ANKS6: variants seen among roughly 807,000 people sequenced by gnomAD.
ANKS6 encodes the protein ankyrin repeat and SAM domain-containing protein 6.
In ANKS6, 47 loss-of-function variants were observed where a neutral mutation model predicts 77.9. The ratio of observed to expected loss-of-function variants is 0.60; its 90% CI spans 0.48 to 0.77. ANKS6 has a LOEUF of 0.77. ANKS6 is among the 30% of genes least tolerant of loss of function. ANKS6 has a pLI of 0.00. For synonymous variants in ANKS6, 488 were observed against 501.7 expected (o/e 0.97, Z 0.37); for missense variants, 1,150 against 1,159.1 (o/e 0.99, Z 0.11).
intron 12 of ANKS6, among the ~76,000 whole-genome samples, chr9:98,755,840 A>T (rs1832672473): frequency 6.6e-6 from 1 of 152,080 alleles, no homozygotes; most frequent in Non-Finnish European, 1.5e-5. Context: ...TGGCCTTTAC[A>T]CTTGGGATTT....
At chr9:98,753,942 G>A (rs569897453) in intron 12 of ANKS6, among the ~76,000 whole-genome samples, 126 of 152,130 alleles carry the variant, frequency 8.3e-4, no homozygotes, top group African/African-American at 3.0e-3. Flanking sequence ...AACCAGCTTG[G>A]GCATGTCCTA....
rs554884882 is a variant in ANKS6, at chr9:98,733,022, G to T, written c.*3497C>A. The T allele has an allele frequency of 1.4e-4, 121 of 884,350 alleles. 2 individuals carry two copies. The South Asian group carries it at 5.3e-3, about 39-fold the overall frequency. 54.8% of individuals were successfully genotyped at this position (884,350 alleles called of 1,614,324 possible). A position where few individuals can be genotyped will look rare whatever the true frequency, so the allele number is the denominator to read the frequency against. On this transcript the variant is annotated 3_prime_UTR_variant, in exon 15 of 15. Coordinates refer to ENST00000353234, the MANE Select transcript of ANKS6 (RefSeq NM_173551.5). ...AGGCTGAGCCTGAGCCATCATCGAT[G>T]ACTTTCCCTGAGCTGTATACCCAGC...
chr9:98,793,918 G>A (rs151184013), intron 1 of ANKS6, among the ~76,000 whole-genome samples: 142 of 149,722 alleles, frequency 9.5e-4, no homozygotes, highest in Non-Finnish European at 1.6e-3. Flanking sequence ...TTGGGAGGCC[G>A]AGGTGGGCGT....
chr9:98,747,062 C>A (rs1418263154), intron 13 of ANKS6, among the ~76,000 whole-genome samples: 1 of 152,210 alleles, frequency 6.6e-6, no homozygotes, highest in Non-Finnish European at 1.5e-5. Flanking sequence ...AACAATCCCA[C>A]CACATAAATT....
At chr9:98,752,640 C>T (rs922401654) in intron 12 of ANKS6, among the ~76,000 whole-genome samples, 2 of 152,156 alleles carry the variant, frequency 1.3e-5, no homozygotes, top group Admixed American at 6.5e-5. Flanking sequence ...TGAGGTAGAT[C>T]CTATTACTGT....
At chr9:98,755,938 C>T (rs1832675881) in intron 12 of ANKS6, among the ~76,000 whole-genome samples, 2 of 152,178 alleles carry the variant, frequency 1.3e-5, no homozygotes, top group African/African-American at 4.8e-5. Flanking sequence ...CTGCTTGCCA[C>T]CACTTGGAGA....
At chr9:98,789,839 G>T in intron 2 of ANKS6, 1 of 423,164 alleles carries the variant, frequency 2.4e-6, no homozygotes, top group Non-Finnish European at 4.1e-6. Context: ...GCATCAGAAT[G>T]ATGTGCTTGG....
At chr9:98,774,472 C>G (rs1019048097) in intron 8 of ANKS6, among the ~76,000 whole-genome samples, 1 of 152,102 alleles carries the variant, frequency 6.6e-6, no homozygotes, top group African/African-American at 2.4e-5. Flanking sequence ...TTAAGCTGGG[C>G]CAGTGAGGAC....
chr9:98,784,388 A>T (rs1834450946), intron 3 of ANKS6: 1 of 456,812 alleles, frequency 2.2e-6, no homozygotes, highest in African/African-American at 2.0e-5. Flanking sequence ...ACCAAAAGAC[A>T]GAAGTGTTGT....
At chr9:98,784,610 C>CA in intron 3 of ANKS6, 1 of 543,262 alleles carries the variant, frequency 1.8e-6, no homozygotes, top group South Asian at 2.8e-5. Flanking sequence ...CATAGCTAGA[C>CA]AGTGTTTGGC....
At chr9:98,777,878 C>A (rs1834002802) in intron 7 of ANKS6, among the ~76,000 whole-genome samples, 2 of 152,210 alleles carry the variant, frequency 1.3e-5, no homozygotes, top group South Asian at 4.1e-4. Flanking sequence ...CCCAGTAACT[C>A]ATTTTATTTC....
chr9:98,767,966 G>C (rs1385838844), intron 11 of ANKS6, 115 bp downstream of exon 11: 6 of 1,375,270 alleles, frequency 4.4e-6, no homozygotes, highest in African/African-American at 4.4e-5. Context: ...GGCTGGAAGG[G>C]GCCTGTCTTT....
chr9:98,736,849 G>A (rs1205694340), intron 14 of ANKS6, among the ~76,000 whole-genome samples: 1 of 152,156 alleles, frequency 6.6e-6, no homozygotes, highest in Non-Finnish European at 1.5e-5. Context: ...GAGAGGCCCT[G>A]GGATGCAGGA....
At chr9:98,764,873 T>C (rs182530755) in intron 11 of ANKS6, among the ~76,000 whole-genome samples, 83 of 152,340 alleles carry the variant, frequency 5.4e-4, no homozygotes, top group Admixed American at 2.7e-3. Context: ...ATTATCATGA[T>C]TGCTTCATTT....
In ANKS6 at chr9:98,732,729, G is replaced by C; in HGVS notation, c.*3790C>G. On this transcript the variant is annotated 3_prime_UTR_variant, in exon 15 of 15. Coordinates refer to ENST00000353234, the MANE Select transcript of ANKS6 (RefSeq NM_173551.5). ...CCCCTGTAACCAAAAGGGAAACTGG[G>C]ACTCAAAGGGAAGAAGAAACGTGCT... 7.0e-7 allele frequency: 1 copy of C among 1,436,270 alleles called. No homozygotes were observed. The highest frequency in any genetic ancestry group is 1.5e-5 in the South Asian group (1 of 67,184). 89.0% of individuals were successfully genotyped at this position (1,436,270 alleles called of 1,614,324 possible).
Position 98,733,186 on chromosome 9 carries a change from TAAA to T in ANKS6, c.*3330_*3332del, listed in dbSNP as rs1418348141. 17 of 984,234 alleles carry T rather than the reference TAAA, an allele frequency of 1.7e-5. No individual in the cohort carries two copies. Among genetic ancestry groups the T allele is most frequent in the Non-Finnish European group, 2.1e-5 (17 of 828,894 alleles). The allele number at this position is 984,234 out of a possible 1,614,324, so 61.0% of individuals were successfully genotyped here. A position where few individuals can be genotyped will look rare whatever the true frequency, so the allele number is the denominator to read the frequency against. ...GGGCTGGCACAGGGTAGATGCTCAG[TAAA>T]CGTTCGGTAAACAAAAGAATTAAAA... On this transcript the variant is annotated 3_prime_UTR_variant, in exon 15 of 15. Transcript: ENST00000353234.
rs1368547280 is a variant in ANKS6, at chr9:98,774,054, T to C, written c.1644A>G (p.Arg548=). Residue 548 remains arginine (R), a synonymous_variant, in exon 9 of 15, where the codon AGA becomes AGG. Transcript: ENST00000353234. The part of the protein sequence containing the change: ...TMLRNGAPLT[R]LPSDKLKAVI... Reference sequence around the variant, plus strand: ...CTGCTTTCAGCTTGTCACTCGGGAGTCTGGTGAGGGGAGCTCCGTTTCGAA... The same window carrying C: ...CTGCTTTCAGCTTGTCACTCGGGAGCCTGGTGAGGGGAGCTCCGTTTCGAA... The C allele has an allele frequency of 1.2e-5, 18 of 1,535,902 alleles. No individual in the cohort carries two copies. The highest frequency in any genetic ancestry group is 1.6e-5 in the Non-Finnish European group (18 of 1,138,652).
At chr9:98,786,933 GT>G (rs894114986) in intron 2 of ANKS6, among the ~76,000 whole-genome samples, 3 of 152,120 alleles carry the variant, frequency 2.0e-5, no homozygotes, top group African/African-American at 7.2e-5. Flanking sequence ...TTGGGCTTCA[GT>G]TTTTTTCGTC....
chr9:98,732,987 G>A lies in ANKS6; in HGVS notation c.*3532C>T. On this transcript the variant is annotated 3_prime_UTR_variant, in exon 15 of 15. Transcript: ENST00000353234. ...GGCCCCACTCCATCTCTCTCCTCTG[G>A]GGCGTGCCCAGGCTGAGCCTGAGCC... 1.0e-6 allele frequency: 1 copy of A among 1,002,556 alleles called. No homozygotes were observed. Among genetic ancestry groups the A allele is most frequent in the Non-Finnish European group, 1.2e-6 (1 of 833,694 alleles). 62.1% of individuals were successfully genotyped at this position (1,002,556 alleles called of 1,614,324 possible).
Sources: allele counts gnomAD v4.1 joint callset (sites outside exome capture counted in the v4.1 genomes callset), GRCh38; gene constraint gnomAD v4.1.1; transcripts MANE v1.5; gene names NCBI Gene and HGNC (gene_info 2026-07-23, HGNC 2026-07-21).